The following PLPP4 variants were observed in gnomAD, a reference collection of about 807,000 sequenced individuals.
PLPP4 encodes phospholipid phosphatase 4, also known as diacylglycerol pyrophosphate like 2.
A neutral mutation model predicts 32.2 loss-of-function variants in PLPP4; 20 were observed. The observed-to-expected ratio is 0.62, with a 90% CI of 0.44 to 0.90. The LOEUF (loss-of-function observed/expected upper bound fraction) is 0.90. PLPP4 is among the 40% of genes least tolerant of loss of function. PLPP4 has a pLI of 0.00. For synonymous variants in PLPP4, 127 were observed against 133.0 expected, an observed-to-expected ratio of 0.95 and a Z score of 0.31; for missense variants, 257 against 353.1, an observed-to-expected ratio of 0.73 and a Z score of 2.18.
chr10:120,509,635 G>A (rs953499200), intron 2 of PLPP4, among the ~76,000 whole-genome samples: 5 of 152,138 alleles, frequency 3.3e-5, no homozygotes, highest in Admixed American at 6.5e-5. Context: ...CAGTCTGGGA[G>A]TCTTGGTCCT....
chr10:120,459,757 A>G (rs1359263213), intron 1 of PLPP4, among the ~76,000 whole-genome samples: 1 of 152,150 alleles, frequency 6.6e-6, no homozygotes, highest in Non-Finnish European at 1.5e-5. Flanking sequence ...GCTTCTTTGC[A>G]AACTTATGCC....
At chr10:120,457,101 C>A (rs527756623), upstream of PLPP4, 200 of 228,570 alleles carry the variant, frequency 8.8e-4, 1 homozygote, top group African/African-American at 4.4e-3. Context: ...GCCGGCGCGG[C>A]TTCCCGGAGC....
At chr10:120,462,494 G>C (rs1348629220) in intron 1 of PLPP4, among the ~76,000 whole-genome samples, 1 of 152,212 alleles carries the variant, frequency 6.6e-6, no homozygotes, top group Non-Finnish European at 1.5e-5. Flanking sequence ...GACAAGTACT[G>C]TCTGCACTGC....
chr10:120,562,881 T>C (rs1018069816), intron 5 of PLPP4, among the ~76,000 whole-genome samples: 2 of 152,196 alleles, frequency 1.3e-5, no homozygotes, highest in African/African-American at 4.8e-5. Flanking sequence ...GTTACTAAAA[T>C]AAGACAGATG....
intron 5 of PLPP4, among the ~76,000 whole-genome samples, chr10:120,554,510 T>A (rs1848060208): frequency 6.6e-6 from 1 of 152,142 alleles, no homozygotes; most frequent in African/African-American, 2.4e-5. Flanking sequence ...ACTTCCACAT[T>A]TTCAGGTATC....
At chr10:120,515,839 CAAGAT>C (rs1390523850) in intron 3 of PLPP4, among the ~76,000 whole-genome samples, 1 of 152,164 alleles carries the variant, frequency 6.6e-6, no homozygotes, top group Non-Finnish European at 1.5e-5. Flanking sequence ...CATGGAGTCT[CAAGAT>C]AAGTGACTGT....
chr10:120,515,220 G>T (rs1342384197), intron 3 of PLPP4, among the ~76,000 whole-genome samples: 1 of 152,192 alleles, frequency 6.6e-6, no homozygotes, highest in African/African-American at 2.4e-5. Context: ...AGGGGGAAAG[G>T]TTCAGAGGCA....
chr10:120,543,902 C>A (rs116313469), intron 5 of PLPP4, among the ~76,000 whole-genome samples: 2 of 152,320 alleles, frequency 1.3e-5, no homozygotes, highest in East Asian at 1.9e-4. Flanking sequence ...ACTTAGCATA[C>A]GTATCCTCAG....
chr10:120,575,337 G>A (rs1849170217), intron 6 of PLPP4, 36 bp downstream of exon 6: 1 of 1,595,938 alleles, frequency 6.3e-7, no homozygotes, highest in Non-Finnish European at 8.6e-7. Flanking sequence ...AGTCCTCACT[G>A]TGGTTGCCCC....
At chr10:120,466,359 G>A (rs752124166) in intron 1 of PLPP4, among the ~76,000 whole-genome samples, 3 of 152,054 alleles carry the variant, frequency 2.0e-5, no homozygotes, top group Non-Finnish European at 4.4e-5. Context: ...ATAGCCAAAA[G>A]TGATAAATAT....
chr10:120,464,402 C>T (rs1219073508), intron 1 of PLPP4, among the ~76,000 whole-genome samples: 1 of 152,164 alleles, frequency 6.6e-6, no homozygotes, highest in Non-Finnish European at 1.5e-5. Context: ...TAAAGAGAAA[C>T]ACCATAGGTG....
chr10:120,544,076 A>G (rs995725968), intron 5 of PLPP4, among the ~76,000 whole-genome samples: 1 of 152,188 alleles, frequency 6.6e-6, no homozygotes, highest in Non-Finnish European at 1.5e-5. Context: ...CTACAGACAC[A>G]GGGGTACAGA....
At chr10:120,531,325 C>T (rs975967717) in intron 5 of PLPP4, among the ~76,000 whole-genome samples, 2 of 151,922 alleles carry the variant, frequency 1.3e-5, no homozygotes, top group African/African-American at 2.4e-5. Context: ...AGGATAGTCT[C>T]GATCTCTTGA....
intron 5 of PLPP4, among the ~76,000 whole-genome samples, chr10:120,524,241 A>C (rs1326650): frequency 0.11 from 17,167 of 152,118 alleles, 1,967 homozygotes; most frequent in African/African-American, 0.29. Context: ...CTTAGAAAAA[A>C]CACCGATGCT....
At chr10:120,586,401 C>G (rs1194187293) in intron 6 of PLPP4, among the ~76,000 whole-genome samples, 1 of 151,758 alleles carries the variant, frequency 6.6e-6, no homozygotes, top group Non-Finnish European at 1.5e-5. Context: ...TCCTTGGTCT[C>G]ACAAAGTGCT....
At chr10:120,573,075 C>G (rs146201801) in intron 5 of PLPP4, among the ~76,000 whole-genome samples, 21 of 152,058 alleles carry the variant, frequency 1.4e-4, no homozygotes, top group African/African-American at 4.8e-4. Flanking sequence ...AAAACAACAA[C>G]AAAAAACCAG....
chr10:120,554,890 C>T (rs1408469398), intron 5 of PLPP4, among the ~76,000 whole-genome samples: 1 of 152,162 alleles, frequency 6.6e-6, no homozygotes, highest in Non-Finnish European at 1.5e-5. Flanking sequence ...TTGGGGATTA[C>T]AGTTTGACAT....
In PLPP4 at chr10:120,457,265, A is replaced by AG. The variant is rs746144834; in HGVS notation, c.-40dup. On this transcript the variant is annotated 5_prime_UTR_variant, in exon 1 of 7. Transcript: ENST00000398250. ...GCCGGCCGAGCTGCGGGAGCCGCGG[A>AG]GAGCACCAGCTGACGCCGCGGGAGC... is the stretch of plus-strand genomic sequence containing the variant. The AG allele has an allele frequency of 2.5e-5, 36 of 1,431,398 alleles. No individual in the cohort carries two copies. The Admixed American group carries it at 8.7e-4, about 35-fold the overall frequency. 88.7% of individuals were successfully genotyped at this position (1,431,398 alleles called of 1,614,324 possible). A position where few individuals can be genotyped will look rare whatever the true frequency, so the allele number is the denominator to read the frequency against.
chr10:120,551,947 A>C (rs1847919576), intron 5 of PLPP4, among the ~76,000 whole-genome samples: 1 of 151,986 alleles, frequency 6.6e-6, no homozygotes, highest in African/African-American at 2.4e-5. Context: ...TTGCTTTCCT[A>C]ACTTTTTTTT....
Sources: gnomAD v4.1 joint callset for allele counts (sites outside exome capture counted in the v4.1 genomes callset) on GRCh38, gnomAD v4.1.1 for gene constraint, MANE v1.5 for transcripts, NCBI Gene and HGNC (gene_info 2026-07-23, HGNC 2026-07-21) for gene names.